Variants in DOCK10 observed in about 807,000 individuals in gnomAD.
The protein encoded by DOCK10 is dedicator of cytokinesis 10.
A neutral mutation model predicts 280.1 loss-of-function variants in DOCK10; 145 were observed. The observed-to-expected ratio is 0.52, with a 90% CI of 0.45 to 0.59. The LOEUF (loss-of-function observed/expected upper bound fraction) is 0.59, where lower values mean the gene tolerates loss of function less well. Among genes scored for constraint, DOCK10 ranks in the 20% least tolerant of loss-of-function variants. DOCK10 has a pLI of 0.00. For missense variants in DOCK10, 2,368 were observed against 2,651.7 expected, an observed-to-expected ratio of 0.89 and a Z score of 2.35; for synonymous variants, 915 against 942.2, an observed-to-expected ratio of 0.97 and a Z score of 0.53.
intron 2 of DOCK10, among the ~76,000 whole-genome samples, chr2:224,930,703 A>G (rs1212072437): frequency 1.3e-5 from 2 of 152,186 alleles, no homozygotes; most frequent in African/African-American, 4.8e-5. Context: ...GTTTGCATGG[A>G]CAATGGCTGT....
rs1559985948 is a variant in DOCK10, at chr2:225,035,545, TATATATATATA to T, written c.123+6696_123+6706del. Among the ~76,000 whole-genome samples, 29 of 11,508 alleles carry T rather than the reference TATATATATATA, an allele frequency of 2.5e-3. 2 individuals are homozygous for T. The highest frequency in any genetic ancestry group is 8.7e-3 in the African/African-American group (28 of 3,230). The allele number at this position is 11,508 out of a possible 152,430, so 7.5% of individuals were successfully genotyped here. On this transcript the variant is annotated intron_variant, in intron 1 of 55. Transcript: ENST00000258390. ...ATCTTATATGATATGATATATATTA[TATATATATATA>T]TATATATATATATATATATATATAT...
At chr2:224,777,149 G>T (rs986793563) in intron 51 of DOCK10, among the ~76,000 whole-genome samples, 6 of 152,214 alleles carry the variant, frequency 3.9e-5, no homozygotes, top group African/African-American at 1.4e-4. Flanking sequence ...TCTAAAAGAA[G>T]AGGTAAGTAT....
At chr2:224,826,196 T>C (rs960270533) in intron 27 of DOCK10, among the ~76,000 whole-genome samples, 7 of 152,182 alleles carry the variant, frequency 4.6e-5, no homozygotes, top group Non-Finnish European at 8.8e-5. Flanking sequence ...CCTGAGTAGC[T>C]GGGATTACAG....
In DOCK10 at chr2:224,874,248, G is replaced by GA; in HGVS notation, c.1101+17dup. The GA allele has an allele frequency of 6.2e-7, 1 of 1,609,502 alleles. No homozygotes were observed. Among genetic ancestry groups the GA allele is most frequent in the East Asian group, 2.2e-5 (1 of 44,824 alleles). ...TATGGATCAAGTTCATATCTGCTTA[G>GA]AAAAAATTTTGACTTACATCTATGT... is the stretch of plus-strand genomic sequence containing the variant. On this transcript the variant is annotated intron_variant, in intron 10 of 55. Transcript: ENST00000258390.
intron 18 of DOCK10, among the ~76,000 whole-genome samples, chr2:224,850,303 G>T (rs1696648480): frequency 6.6e-6 from 1 of 152,156 alleles, no homozygotes; most frequent in African/African-American, 2.4e-5. Flanking sequence ...TCCTTCTCAT[G>T]ACAGTGTCAA....
At chr2:224,885,922 G>C in intron 6 of DOCK10, 117 bp from the exon 7 acceptor site, 2 of 1,499,492 alleles carry the variant, frequency 1.3e-6, no homozygotes, top group South Asian at 2.7e-5. Flanking sequence ...TTTTTCTAGA[G>C]AAGAGCATCC....
In DOCK10 at chr2:224,853,042, A is replaced by G. The variant is rs762287398; in HGVS notation, c.1969T>C (p.Phe657Leu). 4.4e-5 allele frequency: 71 copies of G among 1,612,142 alleles called. No individual in the cohort carries two copies. Among genetic ancestry groups the G allele is most frequent in the Non-Finnish European group, 6.0e-5 (71 of 1,178,690 alleles). ...QTEPTVEVEE[F>L]VYDSTKYCRP... ...CAATACTTTGTTGAATCGTAAACAA[A>G]TTCTTCCACCTCCACTGTGGGTTCT... The change falls in exon 17 of 56, where the codon TTT becomes CTT. Residue 657 changes from phenylalanine to leucine, a missense_variant. Phe to Leu is a conservative substitution (Grantham distance 22). Around this residue, in one of 2 missense-constraint regions of DOCK10, gnomAD observed 1,209 missense variants for 1,250.9 expected, o/e 0.97. Coordinates refer to ENST00000258390, the MANE Select transcript of DOCK10 (RefSeq NM_014689.3).
intron 1 of DOCK10, among the ~76,000 whole-genome samples, chr2:225,012,312 C>T (rs768631001): frequency 2.0e-5 from 3 of 152,248 alleles, no homozygotes; most frequent in Non-Finnish European, 4.4e-5. Flanking sequence ...AAAAGCTGAA[C>T]GTACCCTGAA....
intron 49 of DOCK10, 21 bp downstream of exon 49, chr2:224,787,254 C>T: frequency 6.2e-7 from 1 of 1,613,632 alleles, no homozygotes. Flanking sequence ...TAATTAACTT[C>T]TAGGGGGTTG....
In DOCK10 at chr2:224,775,386, T is replaced by C. The variant is rs553904909; in HGVS notation, c.5803-271A>G. On this transcript the variant is annotated intron_variant, in intron 51 of 55. Transcript: ENST00000258390. ...GATGTGCCTGGCTGTGGCATGTTAT[T>C]TAGTCTTTTATTTTCTCTCTTCTCT... is the stretch of plus-strand genomic sequence containing the variant. Among the ~76,000 whole-genome samples the C allele has an allele frequency of 2.6e-5, 4 of 152,330 alleles. No homozygotes were observed. The East Asian group carries it at 7.7e-4, about 29-fold the overall frequency.
chr2:224,858,384 C>T (rs974712120), intron 14 of DOCK10, among the ~76,000 whole-genome samples: 5 of 151,868 alleles, frequency 3.3e-5, no homozygotes, highest in African/African-American at 1.2e-4. Flanking sequence ...GGTGGCTGGG[C>T]GCGGTGGCTC....
At chr2:224,911,283 G>A (rs998966025) in intron 3 of DOCK10, among the ~76,000 whole-genome samples, 2 of 152,128 alleles carry the variant, frequency 1.3e-5, no homozygotes, top group Admixed American at 6.5e-5. Context: ...GGCAAATTTT[G>A]TTGTCAACTT....
chr2:224,845,683 A>G, intron 19 of DOCK10, 41 bp from the exon 20 acceptor site: 1 of 1,577,536 alleles, frequency 6.3e-7, no homozygotes, highest in East Asian at 2.2e-5. Context: ...GATTAAAATC[A>G]TTTGCTCAAT....
At chr2:224,993,777 G>T (rs1194734429) in intron 1 of DOCK10, among the ~76,000 whole-genome samples, 1 of 152,170 alleles carries the variant, frequency 6.6e-6, no homozygotes, top group Non-Finnish European at 1.5e-5. Context: ...CAGTTCAAAT[G>T]GAGATTGGCT....
At position 225,042,265 on chromosome 2, in the gene DOCK10, C is replaced by T. The variant is rs1392637342; in HGVS notation, c.110G>A (p.Arg37Gln). Reference protein sequence around the residue: ...ASAAAVAVSSRQQQRQEKPRL... With the variant: ...ASAAAVAVSSQQQQRQEKPRL... The stretch of plus-strand genomic sequence containing the variant: ...CGCCGCACTCACCCGCTGCTGCTGC[C>T]GGCTGCTGACTGCCACCGCGGCGGC... The change falls in exon 1 of 56, where the codon CGG (arginine) becomes CAG (glutamine). Residue 37 changes from arginine to glutamine, a missense_variant. Arg to Gln is a conservative substitution (Grantham distance 43, BLOSUM62 1). Coordinates refer to ENST00000258390, the MANE Select transcript of DOCK10 (RefSeq NM_014689.3). This position sits in a 1 kb window ranked among gnomAD's most constrained non-coding sequence, Gnocchi z 5.1. 7.6e-7 allele frequency: 1 copy of T among 1,318,742 alleles called. No homozygotes were observed. The highest frequency in any genetic ancestry group is 2.1e-5 in the South Asian group (1 of 47,764). The allele number at this position is 1,318,742 out of a possible 1,614,324, so 81.7% of individuals were successfully genotyped here.
chr2:224,947,337 A>T (rs1703476915), intron 1 of DOCK10, among the ~76,000 whole-genome samples: 1 of 152,222 alleles, frequency 6.6e-6, no homozygotes, highest in South Asian at 2.1e-4. Context: ...CTGTCAAAAC[A>T]GCCACCCAAA....
intron 1 of DOCK10, among the ~76,000 whole-genome samples, chr2:224,959,349 T>A (rs1356330692): frequency 1.3e-5 from 2 of 152,192 alleles, no homozygotes; most frequent in Non-Finnish European, 2.9e-5. Flanking sequence ...AACTTCTATG[T>A]TTGTGTGTTT....
chr2:224,840,825 C>A (rs745942770), intron 23 of DOCK10, among the ~76,000 whole-genome samples: 5 of 152,204 alleles, frequency 3.3e-5, no homozygotes, highest in Non-Finnish European at 5.9e-5. Flanking sequence ...TACTGCAGCA[C>A]TATTCACTGC....
chr2:224,789,938 G>T (rs540996321), intron 47 of DOCK10, among the ~76,000 whole-genome samples: 1 of 151,988 alleles, frequency 6.6e-6, no homozygotes, highest in Non-Finnish European at 1.5e-5. Flanking sequence ...CCGCCACCAC[G>T]CCCAGCTAAT....
Sources: gnomAD v4.1 joint callset for allele counts (sites outside exome capture counted in the v4.1 genomes callset) on GRCh38, gnomAD v4.1.1 for gene constraint, gnomAD v4.1.1 regional missense constraint, Gnocchi (gnomAD v3.1) non-coding constraint, MANE v1.5 for transcripts, NCBI Gene and HGNC (gene_info 2026-07-23, HGNC 2026-07-21) for gene names.